The following IL4R variants were observed in gnomAD, a reference collection of about 807,000 sequenced individuals.
The protein encoded by IL4R is interleukin-4 receptor subunit alpha.
A neutral mutation model predicts 41.5 loss-of-function variants in IL4R; 17 were observed. The observed-to-expected ratio is 0.41, with a 90% CI of 0.28 to 0.61. The LOEUF (loss-of-function observed/expected upper bound fraction) is 0.61. IL4R is among the 20% of genes least tolerant of loss of function. The pLI is 0.31. For synonymous variants in IL4R, 402 were observed against 422.9 expected, an observed-to-expected ratio of 0.95 and a Z score of 0.61; for missense variants, 974 against 1,043.1, an observed-to-expected ratio of 0.93 and a Z score of 0.91.
Position 27,363,400 on chromosome 16 carries a change from G to A in IL4R, c.2048G>A (p.Gly683Glu), listed in dbSNP as rs746246484. ...SSPEHLGLEP[G>E]EKVEDMPKPP... is the part of the protein sequence containing the mutation. ...CCAGAGCACCTGGGTCTGGAGCCGG[G>A]GGAAAAGGTAGAGGACATGCCAAAG... The change falls in exon 11 of 11, where the codon GGG becomes GAG. Residue 683 changes from glycine to glutamate, a missense_variant. Around this residue, in one of 3 missense-constraint regions of IL4R, gnomAD observed 682 missense variants for 704.3 expected, o/e 0.97. Coordinates refer to ENST00000395762, the MANE Select transcript of IL4R (RefSeq NM_000418.4). 31 of 1,614,164 alleles carry A rather than the reference G, an allele frequency of 1.9e-5. No individual in the cohort carries two copies. Among genetic ancestry groups the A allele is most frequent in the African/African-American group, 2.7e-5 (2 of 75,028 alleles).
intron 9 of IL4R, 138 bp downstream of exon 9, chr16:27,359,132 G>C (rs1343447107): frequency 2.9e-6 from 2 of 689,012 alleles, no homozygotes; most frequent in Non-Finnish European, 5.2e-6. Context: ...GGGAGACAGA[G>C]ACAGAAGCCG....
intron 3 of IL4R, among the ~76,000 whole-genome samples, chr16:27,341,637 C>T (rs1038377552): frequency 6.6e-6 from 1 of 152,126 alleles, no homozygotes; most frequent in South Asian, 2.1e-4. Context: ...CAAACCCAAC[C>T]GGAAACTAAA....
At chr16:27,326,624 C>A (rs1270679570) in intron 1 of IL4R, among the ~76,000 whole-genome samples, 1 of 152,120 alleles carries the variant, frequency 6.6e-6, no homozygotes, top group Non-Finnish European at 1.5e-5. Context: ...CGTGACGGTG[C>A]GACTGCATTC....
chr16:27,340,308 C>A, intron 3 of IL4R, 35 bp downstream of exon 3: 1 of 1,538,192 alleles, frequency 6.5e-7, no homozygotes, highest in Non-Finnish European at 9.0e-7. Context: ...CATTTGTTGG[C>A]TATTAATGGC....
chr16:27,363,462 G>C lies in IL4R; in HGVS notation c.2110G>C (p.Val704Leu). The change falls in exon 11 of 11, where the codon GTG (valine) becomes CTG (leucine). Residue 704 changes from valine (V) to leucine (L), a missense_variant. This residue lies in a region of IL4R where 682 missense variants were observed against 704.3 expected (regional missense o/e 0.97). Coordinates refer to ENST00000395762, the MANE Select transcript of IL4R (RefSeq NM_000418.4). ...CCAGGAGCAGGCCACAGACCCCCTT[G>C]TGGACAGCCTGGGCAGTGGCATTGT... ...LPQEQATDPL[V>L]DSLGSGIVYS... The C allele has an allele frequency of 6.2e-7, 1 of 1,614,126 alleles. No homozygotes were observed. The highest frequency in any genetic ancestry group is 8.5e-7 in the Non-Finnish European group (1 of 1,179,996).
chr16:27,362,358 T>C lies in IL4R; in HGVS notation c.1006T>C (p.Ser336Pro), dbSNP rs2086326280. ...KAAKEMPFQG[S>P]GKSAWCPVEI... Reference sequence around the variant, plus strand: ...TGCCAAAGAGATGCCTTTCCAGGGCTCTGGAAAATCAGCATGGTGCCCAGT... The same window carrying C: ...TGCCAAAGAGATGCCTTTCCAGGGCCCTGGAAAATCAGCATGGTGCCCAGT... The change falls in exon 11 of 11, where the codon TCT becomes CCT. Residue 336 changes from serine (S) to proline (P), a missense_variant. Transcript: ENST00000395762. 1 of 1,614,002 alleles carries C rather than the reference T, an allele frequency of 6.2e-7. No individual in the cohort carries two copies. Among genetic ancestry groups the C allele is most frequent in the African/African-American group, 1.3e-5 (1 of 74,888 alleles).
In IL4R at chr16:27,328,828, C is replaced by T. The variant is rs140227046; in HGVS notation, c.-151-1238C>T. On this transcript the variant is annotated intron_variant, in intron 1 of 10. Coordinates refer to ENST00000395762, the MANE Select transcript of IL4R (RefSeq NM_000418.4). Reference sequence around the variant, plus strand: ...GATGGAGGAATATGTCTTTTGTGAACCATTTATGTTCTTTGCCTATTTTTC... The same window carrying T: ...GATGGAGGAATATGTCTTTTGTGAATCATTTATGTTCTTTGCCTATTTTTC... 5.2e-3 allele frequency among the ~76,000 whole-genome samples: 799 copies of T among 152,234 alleles called. 10 individuals carry two copies. The highest frequency in any genetic ancestry group is 8.1e-3 in the Non-Finnish European group (554 of 67,984).
At chr16:27,332,724 T>G (rs1310693391) in intron 2 of IL4R, among the ~76,000 whole-genome samples, 1 of 151,246 alleles carries the variant, frequency 6.6e-6, no homozygotes, top group Non-Finnish European at 1.5e-5. Flanking sequence ...TTTAGACATA[T>G]ATTGCTTTTC....
At chr16:27,360,369 C>T (rs56381206) in intron 9 of IL4R, among the ~76,000 whole-genome samples, 1 of 152,228 alleles carries the variant, frequency 6.6e-6, no homozygotes, top group African/African-American at 2.4e-5. Context: ...GTGCCTCTCA[C>T]TCTCCAGCAG....
rs1485870865 is a variant in IL4R at position 27,352,668 on chromosome 16, G to A, written c.642G>A (p.Glu214=). Residue 214 remains glutamate (E), a synonymous_variant, in exon 7 of 11, where the codon GAG becomes GAA. Transcript: ENST00000395762. ...WAQCYNTTWS[E]WSPSTKWHNS... is the part of the protein sequence containing the mutation. Reference sequence around the variant, plus strand: ...AGTGCTATAACACCACCTGGAGTGAGTGGAGCCCCAGCACCAAGTGGCACA... The same window carrying A: ...AGTGCTATAACACCACCTGGAGTGAATGGAGCCCCAGCACCAAGTGGCACA... 6.2e-7 allele frequency: 1 copy of A among 1,614,214 alleles called. No individual in the cohort carries two copies. The highest frequency in any genetic ancestry group is 1.1e-5 in the South Asian group (1 of 91,090).
rs55809162 is a variant in IL4R, at chr16:27,329,601, C to T, written c.-151-465C>T. On this transcript the variant is annotated intron_variant, in intron 1 of 10. Transcript: ENST00000395762. Reference sequence around the variant, plus strand: ...CTGAGACACAAGAATCGCTTGAACCCGGGAGGTGGAGGTTGCAGTGAGCCG... The same window carrying T: ...CTGAGACACAAGAATCGCTTGAACCTGGGAGGTGGAGGTTGCAGTGAGCCG... 3.0e-4 allele frequency among the ~76,000 whole-genome samples: 45 copies of T among 149,524 alleles called. No individual in the cohort carries two copies. In the South Asian group the frequency reaches 3.8e-3, roughly 13 times the overall value.
chr16:27,339,564 G>A (rs1186104048), intron 2 of IL4R, among the ~76,000 whole-genome samples: 1 of 152,140 alleles, frequency 6.6e-6, no homozygotes, highest in Non-Finnish European at 1.5e-5. Context: ...GTCAGTGACA[G>A]AGCAGGTATT....
At chr16:27,357,892 GTT>G (rs796874774) in intron 8 of IL4R, among the ~76,000 whole-genome samples, 8 of 135,992 alleles carry the variant, frequency 5.9e-5, no homozygotes, top group African/African-American at 2.7e-5. Context: ...CATTTCTTTC[GTT>G]TTTTTTTTTT....
chr16:27,342,093 C>T (rs550734991), intron 3 of IL4R, 28 bp from the exon 4 acceptor site: 13 of 1,611,372 alleles, frequency 8.1e-6, no homozygotes, highest in South Asian at 4.4e-5. Context: ...GTTCCTGGGC[C>T]GCTCAGGCTG....
At chr16:27,325,906 C>G (rs2084944956) in intron 1 of IL4R, among the ~76,000 whole-genome samples, 1 of 152,116 alleles carries the variant, frequency 6.6e-6, no homozygotes, top group Non-Finnish European at 1.5e-5. Context: ...ACGGGCTACC[C>G]CCACAGGCCG....
intron 5 of IL4R, 66 bp from the exon 6 acceptor site, chr16:27,346,401 G>T: frequency 6.4e-7 from 1 of 1,564,280 alleles, no homozygotes; most frequent in Non-Finnish European, 8.8e-7. Context: ...TTTGTAGGCC[G>T]GGGCTGGGCT....
intron 2 of IL4R, among the ~76,000 whole-genome samples, chr16:27,336,900 GA>G (rs1159786204): frequency 1.3e-5 from 2 of 151,904 alleles, no homozygotes; most frequent in East Asian, 3.9e-4. Context: ...CCAGCATGGA[GA>G]AACCCTGTCT....
intron 6 of IL4R, 114 bp from the exon 7 acceptor site, chr16:27,352,426 A>G: frequency 1.2e-6 from 1 of 807,982 alleles, no homozygotes; most frequent in Non-Finnish European, 2.0e-6. Flanking sequence ...ACAACCAAAT[A>G]CCCAGGCTGG....
At chr16:27,319,869 A>C (rs1364255434) in intron 1 of IL4R, among the ~76,000 whole-genome samples, 1 of 151,778 alleles carries the variant, frequency 6.6e-6, no homozygotes, top group Non-Finnish European at 1.5e-5. Flanking sequence ...TGGGTTGCGT[A>C]CTTTTTCTTT....
Sources: allele counts gnomAD v4.1 joint callset (sites outside exome capture counted in the v4.1 genomes callset), GRCh38; gene constraint gnomAD v4.1.1; regional missense constraint gnomAD v4.1.1; transcripts MANE v1.5; gene names NCBI Gene and HGNC (gene_info 2026-07-23, HGNC 2026-07-21).